Variants in MRC2 observed in about 807,000 individuals in gnomAD.
The protein encoded by MRC2 is mannose receptor C-type 2, also known as C-type mannose receptor 2.
A neutral mutation model predicts 206.2 loss-of-function variants in MRC2; 84 were observed. The observed-to-expected ratio is 0.41, with a 90% CI of 0.34 to 0.49. MRC2 has a LOEUF of 0.49. Among genes scored for constraint, MRC2 ranks in the 20% least tolerant of loss-of-function variants. The pLI, the probability that MRC2 is intolerant of heterozygous loss-of-function variation, is 0.31. For missense variants in MRC2, 1,676 were observed against 2,001.5 expected (o/e 0.84, Z 3.10); for synonymous variants, 798 against 800.0 (o/e 1.00, Z 0.04).
rs139486691 is a variant in MRC2 at position 62,677,879 on chromosome 17, A to G, written c.2052+393A>G. The stretch of plus-strand genomic sequence containing the variant: ...ATCCTGGCTAACATGGTGAAACCCC[A>G]TCTCTACTAAAATACAAAAAATTAG... On this transcript the variant is annotated intron_variant, in intron 12 of 29. Coordinates refer to ENST00000303375, the MANE Select transcript of MRC2 (RefSeq NM_006039.5). Among the ~76,000 whole-genome samples, 1,149 of 152,108 alleles carry G rather than the reference A, an allele frequency of 7.6e-3. 6 individuals carry two copies. Among genetic ancestry groups the G allele is most frequent in the African/African-American group, 0.012 (518 of 41,504 alleles).
At position 62,651,237 on chromosome 17, in the gene MRC2, C is replaced by T. The variant is rs376554152; in HGVS notation, c.119-13311C>T. On this transcript the variant is annotated intron_variant, in intron 1 of 29. Coordinates refer to ENST00000303375, the MANE Select transcript of MRC2 (RefSeq NM_006039.5). ...TAGCTGGGACTACAGGCGAACGCCA[C>T]CACGCCCAGCAAATTTTTGTACTTT... Among the ~76,000 whole-genome samples, 20 of 152,216 alleles carry T rather than the reference C, an allele frequency of 1.3e-4. No individual in the cohort carries two copies. The South Asian group carries it at 4.1e-3, about 32-fold the overall frequency.
intron 20 of MRC2, among the ~76,000 whole-genome samples, chr17:62,687,241 A>C (rs906840891): frequency 2.0e-5 from 3 of 151,872 alleles, no homozygotes; most frequent in African/African-American, 7.3e-5. Context: ...GCTCACTGCA[A>C]CCTCCGCCTC....
At position 62,634,987 on chromosome 17, in the gene MRC2, C is replaced by T. The variant is rs139764822; in HGVS notation, c.118+7067C>T. 9.9e-5 allele frequency among the ~76,000 whole-genome samples: 15 copies of T among 152,084 alleles called. No individual in the cohort carries two copies. The East Asian group carries it at 2.1e-3, about 22-fold the overall frequency. On this transcript the variant is annotated intron_variant, in intron 1 of 29. Coordinates refer to ENST00000303375, the MANE Select transcript of MRC2 (RefSeq NM_006039.5). ...CTGGGACTACAGGCACGTGCCACCA[C>T]GCCCAGCTAATTTTTGTAGTTTTAG...
At chr17:62,629,399 G>A (rs1000281221) in intron 1 of MRC2, among the ~76,000 whole-genome samples, 5 of 152,194 alleles carry the variant, frequency 3.3e-5, no homozygotes, top group South Asian at 2.1e-4. Flanking sequence ...GCCCGGTCAG[G>A]GAGGACAAGG....
rs185935781 is a variant in MRC2 at position 62,662,237 on chromosome 17, G to A, written c.119-2311G>A. ...TGCACTCTAGCCTGGGTGACAGAGC[G>A]GGACTCTGTCTCAAAAAAAAAAAAA... On this transcript the variant is annotated intron_variant, in intron 1 of 29. Coordinates refer to ENST00000303375, the MANE Select transcript of MRC2 (RefSeq NM_006039.5). 5.8e-4 allele frequency among the ~76,000 whole-genome samples: 87 copies of A among 150,166 alleles called. 2 individuals are homozygous for A. The highest frequency in any genetic ancestry group is 4.3e-3 in the East Asian group (22 of 5,154).
At chr17:62,683,752 T>C (rs892314244) in intron 20 of MRC2, among the ~76,000 whole-genome samples, 1 of 151,476 alleles carries the variant, frequency 6.6e-6, no homozygotes, top group Non-Finnish European at 1.5e-5. Context: ...TAGTTCCAGC[T>C]ACCCAGGAGG....
chr17:62,689,942 G>A lies in MRC2; in HGVS notation c.3622G>A (p.Gly1208Ser), dbSNP rs77299955. The A allele has an allele frequency of 1.3e-3, 2,035 of 1,610,676 alleles. 18 individuals are homozygous for A. The African/African-American group carries it at 0.024, about 19-fold the overall frequency. The change falls in exon 25 of 30, where the codon GGC (glycine) becomes AGC (serine). Residue 1208 changes from glycine (G) to serine (S), a missense_variant. Gly to Ser is a moderately conservative substitution (Grantham distance 56). This residue lies in a region of MRC2 where 1,354 missense variants were observed against 1,636.6 expected (regional missense o/e 0.83). Coordinates refer to ENST00000303375, the MANE Select transcript of MRC2 (RefSeq NM_006039.5). ...WVSEEPLNYV[G>S]WQDGEPQQPG... ...CTCAGAGGAGCCGCTGAACTACGTG[G>A]GCTGGCAGGACGGGGAGCCGCAGCA...
At chr17:62,663,984 G>C (rs1467141913) in intron 1 of MRC2, among the ~76,000 whole-genome samples, 1 of 146,152 alleles carries the variant, frequency 6.8e-6, no homozygotes, top group Non-Finnish European at 1.5e-5. Flanking sequence ...TTTTGAGACG[G>C]AGTCTCGCTC....
Position 62,688,584 on chromosome 17 carries a change from G to A in MRC2, c.3145G>A (p.Glu1049Lys). The A allele has an allele frequency of 1.2e-6, 2 of 1,614,226 alleles. No homozygotes were observed. Among genetic ancestry groups the A allele is most frequent in the Non-Finnish European group, 1.7e-6 (2 of 1,180,042 alleles). ...CTCGCAGAGGGACTTCCAGTGGGTG[G>A]AGCAGGAGCCTTTGATGTATGCCAA... Reference protein sequence around the residue: ...HASQRDFQWVEQEPLMYANWA... With the variant: ...HASQRDFQWVKQEPLMYANWA... Residue 1049 changes from glutamate to lysine, a missense_variant, in exon 22 of 30, where the codon GAG becomes AAG. Glu to Lys is a moderately conservative substitution (Grantham distance 56). Coordinates refer to ENST00000303375, the MANE Select transcript of MRC2 (RefSeq NM_006039.5).
Position 62,690,971 on chromosome 17 carries a change from C to T in MRC2, c.4035C>T (p.Asp1345=). ...NPKGGTLVWQ[D]NTAVNYSNWG... ...CAGGAGGCACTCTGGTCTGGCAGGA[C>T]AACACAGCTGTGAACTACTCCAACT... is the stretch of plus-strand genomic sequence containing the variant. Residue 1345 remains aspartate, a synonymous_variant, in exon 28 of 30, where the codon GAC becomes GAT. Transcript: ENST00000303375. The T allele has an allele frequency of 6.2e-7, 1 of 1,606,618 alleles. No individual in the cohort carries two copies. The highest frequency in any genetic ancestry group is 8.5e-7 in the Non-Finnish European group (1 of 1,177,450).
intron 1 of MRC2, among the ~76,000 whole-genome samples, chr17:62,655,179 G>A (rs1031958355): frequency 6.6e-5 from 10 of 151,038 alleles, no homozygotes; most frequent in South Asian, 2.1e-4. Flanking sequence ...CCAGCTACTC[G>A]GGAGGCTGAG....
At chr17:62,648,191 G>T (rs1467114444) in intron 1 of MRC2, among the ~76,000 whole-genome samples, 1 of 152,228 alleles carries the variant, frequency 6.6e-6, no homozygotes, top group Non-Finnish European at 1.5e-5. Flanking sequence ...ATCACTTGAG[G>T]TCAGGAGTTC....
rs774890465 is a variant in MRC2 at position 62,680,380 on chromosome 17, C to T, written c.2438-38C>T. On this transcript the variant is annotated intron_variant, in intron 15 of 29. Transcript: ENST00000303375. This position sits in a 1 kb window ranked among gnomAD's most constrained non-coding sequence, Gnocchi z 4.8. ...CGGGGCCAGGAATTCCAGGGAGGGT[C>T]TCCTTTCCTCACAACGTCTTTGTCC... 6.2e-7 allele frequency: 1 copy of T among 1,613,930 alleles called. No individual in the cohort carries two copies. Among genetic ancestry groups the T allele is most frequent in the Non-Finnish European group, 8.5e-7 (1 of 1,179,874 alleles).
intron 13 of MRC2, 41 bp downstream of exon 13, chr17:62,678,687 C>T: frequency 1.3e-6 from 2 of 1,590,048 alleles, no homozygotes; most frequent in Non-Finnish European, 8.5e-7. Context: ...GGCACCCGCA[C>T]ACGTGTAGGA....
chr17:62,689,088 C>CAGAAAGGCAAGGTGCCAATAAGAT, intron 23 of MRC2, 128 bp downstream of exon 23: 1 of 737,950 alleles, frequency 1.4e-6, no homozygotes. Context: ...AGCAGATGGG[C>CAGAAAGGCAAGGTGCCAATAAGAT]AGAAAGGCAA....
In MRC2 at chr17:62,690,233, C is replaced by T. The variant is rs147759673; in HGVS notation, c.3820C>T (p.Arg1274Trp). The stretch of plus-strand genomic sequence containing the variant: ...GGCAGACTCCGCGTGGATTCCCTTC[C>T]GGGAGCACTGCTATTCTTTCCACAT... ...GLADSAWIPF[R>W]EHCYSFHMEL... The change falls in exon 26 of 30, where the codon CGG (arginine) becomes TGG (tryptophan). Residue 1274 changes from arginine to tryptophan, a missense_variant. Arg to Trp is a moderately radical substitution (Grantham distance 101). Transcript: ENST00000303375. 6.2e-6 allele frequency: 10 copies of T among 1,613,472 alleles called. No homozygotes were observed. Among genetic ancestry groups the T allele is most frequent in the East Asian group, 2.2e-5 (1 of 44,870 alleles).
At chr17:62,669,389 T>C (rs1007212793) in intron 6 of MRC2, among the ~76,000 whole-genome samples, 1 of 152,204 alleles carries the variant, frequency 6.6e-6, no homozygotes, top group African/African-American at 2.4e-5. Flanking sequence ...CTAACTTTTG[T>C]ATTTTTAGTA....
intron 24 of MRC2, 46 bp from the exon 25 acceptor site, chr17:62,689,848 A>T: frequency 6.4e-7 from 1 of 1,556,848 alleles, no homozygotes; most frequent in Non-Finnish European, 8.7e-7. Context: ...TCCGCACCCT[A>T]TCCTGACTAT....
intron 1 of MRC2, among the ~76,000 whole-genome samples, chr17:62,639,205 AC>A (rs2147434257): frequency 1.3e-5 from 2 of 152,052 alleles, no homozygotes; most frequent in African/African-American, 4.8e-5. Flanking sequence ...GCGTGGTGGC[AC>A]ACTCCTGTAA....
Sources: allele counts gnomAD v4.1 joint callset (sites outside exome capture counted in the v4.1 genomes callset), GRCh38; gene constraint gnomAD v4.1.1; regional missense constraint gnomAD v4.1.1; non-coding constraint Gnocchi (gnomAD v3.1); transcripts MANE v1.5; gene names NCBI Gene and HGNC (gene_info 2026-07-23, HGNC 2026-07-21).